The following BCL7B variants were observed in gnomAD, a reference collection of about 807,000 sequenced individuals.
BCL7B encodes B-cell CLL/lymphoma 7 protein family member B.
A neutral mutation model predicts 26.5 loss-of-function variants in BCL7B; 11 were observed. That is an observed-to-expected ratio of 0.42 (90% CI 0.26 to 0.69). BCL7B has a LOEUF of 0.69. BCL7B is among the 30% of genes least tolerant of loss of function. The pLI is 0.28. For synonymous variants in BCL7B, 111 were observed against 107.9 expected, an observed-to-expected ratio of 1.03 and a Z score of -0.18; for missense variants, 215 against 264.4, an observed-to-expected ratio of 0.81 and a Z score of 1.30.
chr7:73,557,223 C>A (rs1792396901), intron 1 of BCL7B: 2 of 1,066,942 alleles, frequency 1.9e-6, no homozygotes, highest in Non-Finnish European at 1.1e-6. Flanking sequence ...CCAGTCCGGG[C>A]CGGAAGCCGG....
At chr7:73,543,676 A>G (rs782143537) in intron 2 of BCL7B, 32 bp from the exon 3 acceptor site, 2 of 1,572,776 alleles carry the variant, frequency 1.3e-6, no homozygotes, top group Non-Finnish European at 1.7e-6. Context: ...AATATGACAG[A>G]GCCAAGCAGG....
At chr7:73,545,587 C>T (rs1791924286) in intron 2 of BCL7B, among the ~76,000 whole-genome samples, 1 of 152,166 alleles carries the variant, frequency 6.6e-6, no homozygotes, top group African/African-American at 2.4e-5. Context: ...GATTTAACTG[C>T]TTGACCTTTG....
At chr7:73,538,111 G>C in intron 4 of BCL7B, 98 bp from the exon 5 acceptor site, 1 of 676,086 alleles carries the variant, frequency 1.5e-6, no homozygotes, top group Non-Finnish European at 2.5e-6. Flanking sequence ...TTGGTGAGGA[G>C]GGGAGAATAC....
chr7:73,557,331 A>ACC, intron 1 of BCL7B, 156 bp downstream of exon 1: 2 of 1,175,150 alleles, frequency 1.7e-6, no homozygotes, highest in Non-Finnish European at 2.1e-6. Flanking sequence ...GCGCCCTCTG[A>ACC]CCTCACGCCG....
At chr7:73,542,265 C>T (rs1231382034) in intron 3 of BCL7B, among the ~76,000 whole-genome samples, 1 of 152,202 alleles carries the variant, frequency 6.6e-6, no homozygotes, top group Admixed American at 6.6e-5. Flanking sequence ...AATGGAGCCT[C>T]ATATGTCTCC....
chr7:73,540,120 G>C (rs578217553), intron 3 of BCL7B, 68 bp from the exon 4 acceptor site: 1 of 1,530,838 alleles, frequency 6.5e-7, no homozygotes, highest in African/African-American at 1.4e-5. Context: ...ACTCTGGACA[G>C]AGCCAAGGGC....
chr7:73,552,369 G>T (rs1419259628), intron 1 of BCL7B, 127 bp from the exon 2 acceptor site: 15 of 769,194 alleles, frequency 2.0e-5, no homozygotes, highest in Middle Eastern at 2.3e-4. Flanking sequence ...TCCTCTTGGT[G>T]GGGTATGGTA....
At chr7:73,543,246 G>A (rs111296417) in intron 3 of BCL7B, among the ~76,000 whole-genome samples, 6,939 of 150,826 alleles carry the variant, frequency 0.046, 189 homozygotes, top group Non-Finnish European at 0.066. Flanking sequence ...GCGCAATCTC[G>A]GCTCACCGCA....
In BCL7B at chr7:73,552,644, G is replaced by C. The variant is rs185232435; in HGVS notation, c.93-402C>G. Among the ~76,000 whole-genome samples the C allele has an allele frequency of 1.2e-4, 19 of 152,058 alleles. 1 individual carries two copies. Among genetic ancestry groups the C allele is most frequent in the Admixed American group, 1.2e-3 (19 of 15,256 alleles). ...AAAAAAACAAAAAGTAGCTGGGCGT[G>C]GTGGCGTGTGCCTGTAATCCCAGCT... On this transcript the variant is annotated intron_variant, in intron 1 of 5. Transcript: ENST00000223368.
chr7:73,541,154 A>T (rs763991341), intron 3 of BCL7B, among the ~76,000 whole-genome samples: 7 of 152,172 alleles, frequency 4.6e-5, no homozygotes, highest in Non-Finnish European at 1.0e-4. Flanking sequence ...CTCAAAAAAT[A>T]AAAATTAAAA....
At position 73,557,361 on chromosome 7, in the gene BCL7B, C is replaced by T. The variant is rs1378265561; in HGVS notation, c.92+126G>A. The T allele has an allele frequency of 3.0e-5, 36 of 1,181,876 alleles. No homozygotes were observed. The African/African-American group carries it at 5.0e-4, about 16-fold the overall frequency. 73.2% of individuals were successfully genotyped at this position (1,181,876 alleles called of 1,614,324 possible). ...ACGCCGACGCCAGCGGCGCCCTCCT[C>T]CCGCCTTCTCCCGCACCCCCCTCCC... On this transcript the variant is annotated intron_variant, in intron 1 of 5. Coordinates refer to ENST00000223368, the MANE Select transcript of BCL7B (RefSeq NM_001707.4).
chr7:73,542,086 G>A (rs543445358), intron 3 of BCL7B, among the ~76,000 whole-genome samples: 70 of 152,296 alleles, frequency 4.6e-4, no homozygotes, highest in Middle Eastern at 6.8e-3. Flanking sequence ...GCCTGTGCAC[G>A]CCTGCATTTA....
chr7:73,544,772 C>G (rs1554583314), intron 2 of BCL7B, among the ~76,000 whole-genome samples: 1 of 151,954 alleles, frequency 6.6e-6, no homozygotes, highest in Non-Finnish European at 1.5e-5. Context: ...ACAAGAAAGC[C>G]CAAGGGCCAG....
chr7:73,548,299 G>C (rs1409390571), intron 2 of BCL7B, among the ~76,000 whole-genome samples: 1 of 152,044 alleles, frequency 6.6e-6, no homozygotes, highest in African/African-American at 2.4e-5. Context: ...CTGGTGGTGT[G>C]TGCCTGTAAT....
At chr7:73,550,200 T>G (rs993122015) in intron 2 of BCL7B, among the ~76,000 whole-genome samples, 2 of 152,140 alleles carry the variant, frequency 1.3e-5, no homozygotes, top group Non-Finnish European at 2.9e-5. Context: ...ATGCAATGCA[T>G]GAGTCAAAGG....
chr7:73,541,969 A>G (rs1791786372), intron 3 of BCL7B, among the ~76,000 whole-genome samples: 2 of 152,074 alleles, frequency 1.3e-5, no homozygotes, highest in Non-Finnish European at 2.9e-5. Flanking sequence ...TTGTCCTGGA[A>G]AGCCTCAGAC....
intron 1 of BCL7B, among the ~76,000 whole-genome samples, chr7:73,556,757 G>A (rs1792374897): frequency 6.6e-6 from 1 of 152,186 alleles, no homozygotes; most frequent in Admixed American, 6.5e-5. Context: ...AAGTAAGGAT[G>A]TGCACTTTAA....
chr7:73,552,919 C>T (rs1393526511), intron 1 of BCL7B, among the ~76,000 whole-genome samples: 2 of 151,912 alleles, frequency 1.3e-5, no homozygotes, highest in African/African-American at 4.8e-5. Flanking sequence ...TACTACATTC[C>T]TTTTCTTTGT....
In BCL7B at chr7:73,557,564, C is replaced by A. The variant is rs1554584920; in HGVS notation, c.15G>T (p.Ser5=). The A allele has an allele frequency of 7.4e-7, 1 of 1,359,928 alleles. No homozygotes were observed. The highest frequency in any genetic ancestry group is 9.6e-7 in the Non-Finnish European group (1 of 1,043,146). The allele number at this position is 1,359,928 out of a possible 1,614,324, so 84.2% of individuals were successfully genotyped here. ...CCCGGCTGCGGGTCTCCGCCCGGACCGACCGGCCCGACATGGCGGCGGCGG... is the reference window on the plus strand; with the variant it reads ...CCCGGCTGCGGGTCTCCGCCCGGACAGACCGGCCCGACATGGCGGCGGCGG... MSGR[S]VRAETRSRAK... The change falls in exon 1 of 6, where the codon TCG becomes TCT. Residue 5 remains serine (S), a synonymous_variant. Coordinates refer to ENST00000223368, the MANE Select transcript of BCL7B (RefSeq NM_001707.4).
Sources: allele counts gnomAD v4.1 joint callset (sites outside exome capture counted in the v4.1 genomes callset), GRCh38; gene constraint gnomAD v4.1.1; transcripts MANE v1.5; gene names NCBI Gene and HGNC (gene_info 2026-07-23, HGNC 2026-07-21).